Variants in LRRTM4 observed in about 807,000 individuals in gnomAD.
LRRTM4 encodes the protein leucine-rich repeat transmembrane neuronal protein 4.
Under a neutral mutation model 47.6 loss-of-function variants are expected in LRRTM4, and 25 were observed. That is an observed-to-expected ratio of 0.53 (90% CI 0.38 to 0.73). The LOEUF (loss-of-function observed/expected upper bound fraction) is 0.73, where lower values mean the gene tolerates loss of function less well. Ranked by LOEUF, LRRTM4 falls within the 30% of genes least tolerant of loss-of-function variation. LRRTM4 has a pLI of 0.00. For synonymous variants in LRRTM4, 311 were observed against 269.5 expected (o/e 1.15, Z -1.51); for missense variants, 638 against 713.4 (o/e 0.89, Z 1.20).
At chr2:77,438,437 C>T (rs963637908) in intron 3 of LRRTM4, among the ~76,000 whole-genome samples, 8 of 123,990 alleles carry the variant, frequency 6.5e-5, no homozygotes, top group Middle Eastern at 5.9e-3. Context: ...GATGGAGTCT[C>T]GCTCTGTCGC....
intron 3 of LRRTM4, among the ~76,000 whole-genome samples, chr2:76,845,712 A>T (rs527253894): frequency 1.3e-5 from 2 of 152,352 alleles, no homozygotes; most frequent in African/African-American, 4.8e-5. Flanking sequence ...CTCAAAAATA[A>T]AATGGCTATT....
chr2:76,980,682 T>G (rs1013536020), intron 3 of LRRTM4, among the ~76,000 whole-genome samples: 5 of 152,006 alleles, frequency 3.3e-5, no homozygotes, highest in Non-Finnish European at 4.4e-5. Context: ...GGTGGAATTT[T>G]AAATTCGAGA....
intron 3 of LRRTM4, among the ~76,000 whole-genome samples, chr2:77,239,008 T>A (rs1675188231): frequency 6.6e-6 from 1 of 151,826 alleles, no homozygotes; most frequent in East Asian, 1.9e-4. Flanking sequence ...ACAATTTTTT[T>A]AAATAAAAAA....
intron 3 of LRRTM4, among the ~76,000 whole-genome samples, chr2:77,152,436 C>G (rs1016302467): frequency 6.6e-6 from 1 of 152,086 alleles, no homozygotes; most frequent in Non-Finnish European, 1.5e-5. Context: ...TCAAGCGATT[C>G]TCCTGCCTCA....
At chr2:76,913,841 T>C (rs1181604065) in intron 3 of LRRTM4, among the ~76,000 whole-genome samples, 6 of 152,080 alleles carry the variant, frequency 3.9e-5, no homozygotes, top group Admixed American at 3.3e-4. Context: ...GCCCAGCCGC[T>C]ATTTCAATTA....
chr2:77,518,462 C>T lies in LRRTM4; in HGVS notation c.1407G>A (p.Lys469=). Reference sequence around the variant, plus strand: ...TCATTTGTCTTTCAGACTCTCTGGCCTTTTTCCGCCGCCTCTTCATAAGAG... The same window carrying T: ...TCATTTGTCTTTCAGACTCTCTGGCTTTTTTCCGCCGCCTCTTCATAAGAG... ...QHSLMKRRRK[K]ARESERQMNS... Residue 469 remains lysine, a synonymous_variant, in exon 3 of 4, where the codon AAG becomes AAA. Coordinates refer to ENST00000409884, the MANE Select transcript of LRRTM4 (RefSeq NM_001134745.3). The T allele has an allele frequency of 3.1e-6, 5 of 1,613,312 alleles. No homozygotes were observed. The highest frequency in any genetic ancestry group is 4.2e-6 in the Non-Finnish European group (5 of 1,179,592).
At chr2:77,173,928 G>C (rs1673123701) in intron 3 of LRRTM4, among the ~76,000 whole-genome samples, 1 of 152,186 alleles carries the variant, frequency 6.6e-6, no homozygotes, top group South Asian at 2.1e-4. Flanking sequence ...GGCATTGCCA[G>C]AATCTTCTTT....
At chr2:77,330,209 A>T (rs1044511360) in intron 3 of LRRTM4, among the ~76,000 whole-genome samples, 1 of 152,134 alleles carries the variant, frequency 6.6e-6, no homozygotes, top group African/African-American at 2.4e-5. Context: ...GTAGGTGGGG[A>T]GACCATTTGT....
chr2:77,426,272 T>G (rs1002844814), intron 3 of LRRTM4, among the ~76,000 whole-genome samples: 5 of 152,204 alleles, frequency 3.3e-5, no homozygotes. Flanking sequence ...AGTTCAGCTG[T>G]GATTTAACCT....
At chr2:76,770,934 A>G (rs938580582) in intron 3 of LRRTM4, among the ~76,000 whole-genome samples, 28 of 152,210 alleles carry the variant, frequency 1.8e-4, no homozygotes, top group African/African-American at 6.8e-4. Context: ...AATCCTCAAA[A>G]AACAGAATGC....
chr2:77,398,181 A>C (rs1673778083), intron 3 of LRRTM4, among the ~76,000 whole-genome samples: 2 of 151,872 alleles, frequency 1.3e-5, no homozygotes, highest in South Asian at 4.1e-4. Context: ...TAATTGTATT[A>C]TGACTTAAAA....
chr2:77,237,167 ATT>A (rs34136416), intron 3 of LRRTM4, among the ~76,000 whole-genome samples: 1,636 of 141,124 alleles, frequency 0.012, 63 homozygotes, highest in Admixed American at 0.074. Context: ...TTGTTGGGGG[ATT>A]TTTTTTTTTT....
intron 3 of LRRTM4, among the ~76,000 whole-genome samples, chr2:76,993,870 A>G (rs1584237): frequency 0.52 from 79,002 of 151,828 alleles, 21,598 homozygotes; most frequent in African/African-American, 0.69. Flanking sequence ...TCCACCATTC[A>G]TGGATTTGAT....
chr2:77,044,986 T>TG (rs1679187235), intron 3 of LRRTM4, among the ~76,000 whole-genome samples: 3 of 151,826 alleles, frequency 2.0e-5, no homozygotes, highest in African/African-American at 7.2e-5. Flanking sequence ...GTAGGAATGC[T>TG]GTAGTTATGA....
intron 3 of LRRTM4, among the ~76,000 whole-genome samples, chr2:77,019,656 T>C (rs1178266435): frequency 2.6e-5 from 4 of 152,134 alleles, no homozygotes; most frequent in African/African-American, 9.6e-5. Context: ...CAGTTGCAGA[T>C]AAAGCCAATT....
In LRRTM4 at chr2:77,355,953, C is replaced by T. The variant is rs961194121; in HGVS notation, c.1551+162365G>A. On this transcript the variant is annotated intron_variant, in intron 3 of 3. Transcript: ENST00000409884. ...ACAAACTACAAAAAAATTAGCTGGG[C>T]ATTATGGCATGTGCCTGTAGTCCCA... Among the ~76,000 whole-genome samples the T allele has an allele frequency of 5.3e-5, 8 of 152,084 alleles. No homozygotes were observed. In the East Asian group the frequency reaches 1.4e-3, roughly 26 times the overall value.
intron 3 of LRRTM4, among the ~76,000 whole-genome samples, chr2:76,754,337 C>T (rs1446567402): frequency 6.6e-6 from 1 of 151,604 alleles, no homozygotes; most frequent in African/African-American, 2.4e-5. Context: ...TTTTCAAGAA[C>T]TTTTATTAAA....
At chr2:77,304,755 T>C (rs79551698) in intron 3 of LRRTM4, among the ~76,000 whole-genome samples, 5,372 of 152,200 alleles carry the variant, frequency 0.035, 318 homozygotes, top group African/African-American at 0.12. Context: ...TCTCATTTAC[T>C]CTTAAACCAG....
In LRRTM4 at chr2:77,109,057, G is replaced by A. The variant is rs147977590; in HGVS notation, c.1552-360141C>T. Among the ~76,000 whole-genome samples, 8 of 152,240 alleles carry A rather than the reference G, an allele frequency of 5.3e-5. No homozygotes were observed. The East Asian group carries it at 9.6e-4, about 18-fold the overall frequency. ...ATTATATTAAGCCTAGTGCTGAAGC[G>A]TACAATAAAGGCAATGAATTCCCCA... On this transcript the variant is annotated intron_variant, in intron 3 of 3. Coordinates refer to ENST00000409884, the MANE Select transcript of LRRTM4 (RefSeq NM_001134745.3).
Sources: gnomAD v4.1 joint callset for allele counts (sites outside exome capture counted in the v4.1 genomes callset) on GRCh38, gnomAD v4.1.1 for gene constraint, MANE v1.5 for transcripts, NCBI Gene and HGNC (gene_info 2026-07-23, HGNC 2026-07-21) for gene names.